Variants in GPHN observed in about 807,000 individuals in gnomAD.
GPHN encodes the protein gephyrin.
Under a neutral mutation model 95.5 loss-of-function variants are expected in GPHN, and 17 were observed. The ratio of observed to expected loss-of-function variants is 0.18; its 90% confidence interval spans 0.12 to 0.27. The LOEUF (loss-of-function observed/expected upper bound fraction) is 0.27, where lower values mean the gene tolerates loss of function less well. Ranked by LOEUF, GPHN falls within the 10% of genes least tolerant of loss-of-function variation. The pLI is 1.00. For synonymous variants in GPHN, 320 were observed against 322.5 expected, an observed-to-expected ratio of 0.99 and a Z score of 0.08; for missense variants, 660 against 978.1, an observed-to-expected ratio of 0.67 and a Z score of 4.34.
intron 2 of GPHN, among the ~76,000 whole-genome samples, chr14:66,736,928 G>C (rs1181849240): frequency 6.6e-6 from 1 of 151,862 alleles, no homozygotes; most frequent in Admixed American, 6.6e-5. Context: ...CTTGAGACCT[G>C]TCTTCCAGTT....
the GPHN span, among the ~76,000 whole-genome samples, chr14:67,446,741 G>C: frequency 6.6e-6 from 1 of 152,346 alleles, no homozygotes; most frequent in Non-Finnish European, 1.5e-5. Context: ...TGACTTGAAA[G>C]GTGGGCTGAA....
chr14:67,465,273 G>T, the GPHN span, among the ~76,000 whole-genome samples: 1 of 152,230 alleles, frequency 6.6e-6, no homozygotes, highest in Admixed American at 6.5e-5. Context: ...TGGGCTAAGA[G>T]GAGAAAGAGT....
chr14:66,662,795 G>A (rs971505393), intron 1 of GPHN, among the ~76,000 whole-genome samples: 13 of 152,194 alleles, frequency 8.5e-5, no homozygotes, highest in East Asian at 3.8e-4. Flanking sequence ...ACCTGATAGC[G>A]CTGAAGAAAA....
chr14:67,286,460 C>T, the GPHN span, among the ~76,000 whole-genome samples: 9,553 of 151,894 alleles, frequency 0.063, 394 homozygotes, highest in Non-Finnish European at 0.098. Context: ...TTTTAAATTC[C>T]CTGCAGAATT....
chr14:67,431,691 C>T, the GPHN span, among the ~76,000 whole-genome samples: 1 of 151,664 alleles, frequency 6.6e-6, no homozygotes, highest in African/African-American at 2.4e-5. Context: ...GACCCCAACT[C>T]AACAACAGCA....
the GPHN span, among the ~76,000 whole-genome samples, chr14:67,292,225 ATTTC>A: frequency 1.1e-3 from 165 of 152,232 alleles, no homozygotes; most frequent in African/African-American, 3.8e-3. Context: ...GTGGTTTTAA[ATTTC>A]TTTATTTTTG....
chr14:67,521,109 GA>G, the GPHN span, among the ~76,000 whole-genome samples: 1 of 152,226 alleles, frequency 6.6e-6, no homozygotes, highest in African/African-American at 2.4e-5. Context: ...AAGAGGCTCT[GA>G]AAAGTACCAG....
chr14:67,611,931 C>T, the GPHN span, among the ~76,000 whole-genome samples: 1 of 152,098 alleles, frequency 6.6e-6, no homozygotes, highest in African/African-American at 2.4e-5. Flanking sequence ...TGCAACTAAA[C>T]GGTCCCATCC....
chr14:66,811,772 CAAATA>C (rs1273351256), intron 3 of GPHN, among the ~76,000 whole-genome samples: 2 of 152,060 alleles, frequency 1.3e-5, no homozygotes, highest in African/African-American at 2.4e-5. Context: ...ATTTTATTGA[CAAATA>C]AAATAATAGG....
chr14:67,101,563 T>G (rs993765097), intron 13 of GPHN, among the ~76,000 whole-genome samples: 1 of 151,480 alleles, frequency 6.6e-6, no homozygotes, highest in Non-Finnish European at 1.5e-5. Flanking sequence ...TTTAAATAAG[T>G]ATGCTGTTTT....
chr14:66,677,089 A>G (rs189752199), intron 1 of GPHN, among the ~76,000 whole-genome samples: 40 of 152,108 alleles, frequency 2.6e-4, no homozygotes, highest in Non-Finnish European at 5.0e-4. Context: ...TGTTCATAAT[A>G]ATTTCTAGTG....
the GPHN span, chr14:67,647,597 G>C: frequency 1.3e-5 from 2 of 155,942 alleles, no homozygotes; most frequent in South Asian, 4.0e-4. Context: ...TAAAATTAGA[G>C]TTCACTTCAG....
chr14:66,655,347 A>G (rs892526498), intron 1 of GPHN, among the ~76,000 whole-genome samples: 3 of 152,000 alleles, frequency 2.0e-5, no homozygotes, highest in South Asian at 4.1e-4. Flanking sequence ...ACACCTACCT[A>G]TTTCATTTTT....
chr14:66,638,294 C>A (rs1308023095), intron 1 of GPHN, among the ~76,000 whole-genome samples: 3 of 151,992 alleles, frequency 2.0e-5, no homozygotes, highest in African/African-American at 2.4e-5. Context: ...ATTAGCTGGG[C>A]ATGGTGGCAC....
At chr14:67,361,612 C>T in the GPHN span, among the ~76,000 whole-genome samples, 188 of 152,294 alleles carry the variant, frequency 1.2e-3, 2 homozygotes, top group Non-Finnish European at 1.7e-3. Context: ...GCAGTTTGAC[C>T]ATGCACTGTT....
chr14:67,267,115 CAAAT>C, the GPHN span, among the ~76,000 whole-genome samples: 1 of 151,912 alleles, frequency 6.6e-6, no homozygotes, highest in East Asian at 1.9e-4. Flanking sequence ...CTCAAACAAA[CAAAT>C]AAATAAATAA....
At chr14:66,878,002 G>A (rs1430880380) in intron 4 of GPHN, among the ~76,000 whole-genome samples, 1 of 152,120 alleles carries the variant, frequency 6.6e-6, no homozygotes, top group Non-Finnish European at 1.5e-5. Context: ...AACCAAAACA[G>A]CATGGTACTA....
At chr14:66,549,546 GA>G (rs1234954653) in intron 1 of GPHN, among the ~76,000 whole-genome samples, 1 of 152,164 alleles carries the variant, frequency 6.6e-6, no homozygotes, top group Non-Finnish European at 1.5e-5. Context: ...TCCATTACAT[GA>G]AAATGCAAAG....
the GPHN span, among the ~76,000 whole-genome samples, chr14:67,683,754 C>CT: frequency 2.3e-4 from 35 of 152,356 alleles, no homozygotes; most frequent in Admixed American, 1.0e-3. Flanking sequence ...GACTGCCACT[C>CT]TGACACTTCT....
Sources: allele counts gnomAD v4.1 joint callset (sites outside exome capture counted in the v4.1 genomes callset), GRCh38; gene constraint gnomAD v4.1.1; transcripts MANE v1.5; gene names NCBI Gene and HGNC (gene_info 2026-07-23, HGNC 2026-07-21).